NEURL1B: variants seen among roughly 807,000 people sequenced by gnomAD.
NEURL1B encodes E3 ubiquitin-protein ligase NEURL1B.
In NEURL1B, 13 loss-of-function variants were observed where a neutral mutation model predicts 37.4. The ratio of observed to expected loss-of-function variants is 0.35; its 90% CI spans 0.23 to 0.55. NEURL1B has a LOEUF of 0.55. Among genes scored for constraint, NEURL1B ranks in the 20% least tolerant of loss-of-function variants. The pLI is 0.89. For missense variants in NEURL1B, 790 were observed against 879.2 expected (o/e 0.90, Z 1.28); for synonymous variants, 432 against 426.6 (o/e 1.01, Z -0.16).
At chr5:172,654,747 A>G (rs1298267314) in intron 1 of NEURL1B, among the ~76,000 whole-genome samples, 1 of 152,042 alleles carries the variant, frequency 6.6e-6, no homozygotes, top group African/African-American at 2.4e-5. Flanking sequence ...TTTTGATAGG[A>G]AGGCTATGGG....
rs778373555 is a variant in NEURL1B, at chr5:172,686,049, G to A, written c.1298-122G>A. 2.8e-5 allele frequency: 34 copies of A among 1,194,984 alleles called. No homozygotes were observed. The highest frequency in any genetic ancestry group is 3.8e-5 in the Non-Finnish European group (33 of 863,106). The allele number at this position is 1,194,984 out of a possible 1,614,324, so 74.0% of individuals were successfully genotyped here. ...ACTCTTCACTCCTCAGCAGAACCCT[G>A]GGAGATACCTCTGGTCCTCTCGTTA... On this transcript the variant is annotated intron_variant, in intron 3 of 4. Coordinates refer to ENST00000369800, the MANE Select transcript of NEURL1B (RefSeq NM_001142651.3). The surrounding 1 kb of genome is among the most constrained non-coding windows in gnomAD (Gnocchi z 7.9).
intron 1 of NEURL1B, among the ~76,000 whole-genome samples, chr5:172,644,125 A>G (rs762221265): frequency 9.9e-5 from 15 of 152,132 alleles, no homozygotes; most frequent in Admixed American, 2.0e-4. Context: ...TGTCTGTTTT[A>G]TTCACTGCTA....
intron 1 of NEURL1B, among the ~76,000 whole-genome samples, chr5:172,669,582 G>A (rs1228993655): frequency 6.6e-6 from 1 of 152,194 alleles, no homozygotes; most frequent in African/African-American, 2.4e-5. Flanking sequence ...TCTGTGGCAC[G>A]GGTATGCTGA....
chr5:172,652,334 T>C (rs1757683221), intron 1 of NEURL1B, among the ~76,000 whole-genome samples: 2 of 152,246 alleles, frequency 1.3e-5, no homozygotes, highest in African/African-American at 2.4e-5. Flanking sequence ...GGTGACAATT[T>C]GGGCCTCTGG....
intron 1 of NEURL1B, among the ~76,000 whole-genome samples, chr5:172,653,506 A>G (rs1164405205): frequency 6.6e-6 from 1 of 152,208 alleles, no homozygotes; most frequent in East Asian, 1.9e-4. Context: ...AGAGCAGGTT[A>G]GTGCTTTAAG....
intron 2 of NEURL1B, among the ~76,000 whole-genome samples, chr5:172,670,946 G>A (rs1160304066): frequency 1.3e-5 from 2 of 152,210 alleles, no homozygotes; most frequent in African/African-American, 4.8e-5. Context: ...GTGTGAGCCC[G>A]ATTCTCACGG....
At position 172,686,808 on chromosome 5, in the gene NEURL1B, G is replaced by T; in HGVS notation, c.1551G>T (p.Thr517=). 6.4e-7 allele frequency: 1 copy of T among 1,551,984 alleles called. No individual in the cohort carries two copies. Among genetic ancestry groups the T allele is most frequent in the Non-Finnish European group, 8.7e-7 (1 of 1,147,392 alleles). ...FDGEVDTVIY[T]CGHMCLCHSC... is the part of the protein sequence containing the mutation. ...GCGAGGTGGACACGGTCATCTACAC[G>T]TGTGGACACATGTGCCTGTGCCACA... The change falls in exon 5 of 5, where the codon ACG becomes ACT. Residue 517 remains threonine (T), a synonymous_variant. Coordinates refer to ENST00000369800, the MANE Select transcript of NEURL1B (RefSeq NM_001142651.3). This position sits in a 1 kb window ranked among gnomAD's most constrained non-coding sequence, Gnocchi z 7.9.
chr5:172,653,037 T>G (rs1757698200), intron 1 of NEURL1B, among the ~76,000 whole-genome samples: 1 of 151,882 alleles, frequency 6.6e-6, no homozygotes. Context: ...CAGGCTGGCT[T>G]GAGTTTTCCT....
chr5:172,685,563 C>T (rs1321412312), intron 3 of NEURL1B, among the ~76,000 whole-genome samples: 1 of 152,174 alleles, frequency 6.6e-6, no homozygotes, highest in Non-Finnish European at 1.5e-5. Context: ...GGGCAAAACC[C>T]CACTCAAAGT....
At chr5:172,670,499 C>T (rs573836551) in intron 2 of NEURL1B, among the ~76,000 whole-genome samples, 169 bp downstream of exon 2, 6 of 152,356 alleles carry the variant, frequency 3.9e-5, no homozygotes, top group Admixed American at 2.0e-4. Context: ...ACCTACCCTC[C>T]GGTTTTACAG....
chr5:172,687,318 T>G lies in NEURL1B; in HGVS notation c.*393T>G. On this transcript the variant is annotated 3_prime_UTR_variant, in exon 5 of 5. Transcript: ENST00000369800. ...GTGTGTGAGAGAGAGAGAGAGAGAA[T>G]GAACGTGTAGCGATTTTACCAGGGG... The G allele has an allele frequency of 2.3e-5, 4 of 172,730 alleles. No homozygotes were observed. Among genetic ancestry groups the G allele is most frequent in the East Asian group, 1.6e-4 (1 of 6,418 alleles). 10.7% of individuals were successfully genotyped at this position (172,730 alleles called of 1,614,324 possible).
Position 172,683,003 on chromosome 5 carries a change from T to A in NEURL1B, c.578-416T>A, listed in dbSNP as rs964622509. Among the ~76,000 whole-genome samples the A allele has an allele frequency of 6.6e-6, 1 of 152,202 alleles. No individual in the cohort carries two copies. The highest frequency in any genetic ancestry group is 1.5e-5 in the Non-Finnish European group (1 of 68,042). ...GCCACGAGTACAGGTTTGCTCTTTT[T>A]ATTGGAGCTTATGTTCTAGTTGGGG... On this transcript the variant is annotated intron_variant, in intron 2 of 4. Transcript: ENST00000369800. The surrounding 1 kb of genome is among the most constrained non-coding windows in gnomAD (Gnocchi z 5.6).
intron 1 of NEURL1B, among the ~76,000 whole-genome samples, chr5:172,649,518 C>T (rs982712562): frequency 6.6e-6 from 1 of 151,930 alleles, no homozygotes; most frequent in Non-Finnish European, 1.5e-5. Flanking sequence ...CCCACTGCCA[C>T]ACCCGGCTAA....
intron 1 of NEURL1B, among the ~76,000 whole-genome samples, chr5:172,653,214 C>T (rs749948151): frequency 1.8e-4 from 28 of 152,148 alleles, no homozygotes; most frequent in Non-Finnish European, 3.2e-4. Flanking sequence ...AATGTGGGGA[C>T]GTCAGCAGTG....
intron 1 of NEURL1B, among the ~76,000 whole-genome samples, chr5:172,660,898 C>T (rs936145974): frequency 4.0e-5 from 6 of 151,888 alleles, no homozygotes; most frequent in African/African-American, 2.4e-5. Context: ...TACAAAGTGC[C>T]GAGATTACAG....
At chr5:172,684,300 C>G (rs1249715572) in intron 3 of NEURL1B, among the ~76,000 whole-genome samples, 162 bp downstream of exon 3, 1 of 152,134 alleles carries the variant, frequency 6.6e-6, no homozygotes, top group African/African-American at 2.4e-5. Context: ...CGATCCACCC[C>G]GTCCAAAATT....
rs761327497 is a variant in NEURL1B, at chr5:172,676,876, A to G, written c.578-6543A>G. ...GTTGCATAACTGTTGGTGGTCCTAA[A>G]GTCAGAGTTTGTTCATTATTGTTAT... On this transcript the variant is annotated intron_variant, in intron 2 of 4. Coordinates refer to ENST00000369800, the MANE Select transcript of NEURL1B (RefSeq NM_001142651.3). This position sits in a 1 kb window ranked among gnomAD's most constrained non-coding sequence, Gnocchi z 4.5. Among the ~76,000 whole-genome samples, 8 of 152,238 alleles carry G rather than the reference A, an allele frequency of 5.3e-5. No individual in the cohort carries two copies. The highest frequency in any genetic ancestry group is 2.1e-4 in the South Asian group (1 of 4,836).
At chr5:172,685,235 G>A (rs183961798) in intron 3 of NEURL1B, among the ~76,000 whole-genome samples, 1 of 152,304 alleles carries the variant, frequency 6.6e-6, no homozygotes, top group East Asian at 1.9e-4. Context: ...TTAATCAGTG[G>A]TAACAGTAAC....
rs112091707 is a variant in NEURL1B, at chr5:172,668,929, G to A, written c.32-856G>A. Among the ~76,000 whole-genome samples the A allele has an allele frequency of 7.6e-3, 1,151 of 152,310 alleles. 7 individuals are homozygous for A. The highest frequency in any genetic ancestry group is 0.011 in the Non-Finnish European group (752 of 68,030). ...TTCAGAGCAGAATGTCTTTAGAAAT[G>A]AACCCCAAAGGTGTCCGTTCCGGAA... On this transcript the variant is annotated intron_variant, in intron 1 of 4. Coordinates refer to ENST00000369800, the MANE Select transcript of NEURL1B (RefSeq NM_001142651.3).
Sources: allele counts gnomAD v4.1 joint callset (sites outside exome capture counted in the v4.1 genomes callset), GRCh38; gene constraint gnomAD v4.1.1; non-coding constraint Gnocchi (gnomAD v3.1); transcripts MANE v1.5; gene names NCBI Gene and HGNC (gene_info 2026-07-23, HGNC 2026-07-21).